Variants in TMEM9 observed in about 807,000 individuals in gnomAD.
TMEM9 encodes transmembrane protein 9.
A neutral mutation model predicts 22.8 loss-of-function variants in TMEM9; 13 were observed. The observed-to-expected ratio is 0.57, with a 90% CI of 0.37 to 0.91. TMEM9 has a LOEUF of 0.91. Among genes scored for constraint, TMEM9 ranks in the 40% least tolerant of loss-of-function variants. The pLI is 0.01. For missense variants in TMEM9, 182 were observed against 238.1 expected, an observed-to-expected ratio of 0.76 and a Z score of 1.55; for synonymous variants, 88 against 93.0, an observed-to-expected ratio of 0.95 and a Z score of 0.31.
Position 201,135,558 on chromosome 1 carries a change from A to G in TMEM9, c.*105T>C. On this transcript the variant is annotated 3_prime_UTR_variant, in exon 5 of 5. Transcript: ENST00000367330. ...GAGGAAAAATGCCACAGGCTTTTAA[A>G]GGGAAGACTGGAACCGAGGGAAGGG... 1 of 1,242,786 alleles carries G rather than the reference A, an allele frequency of 8.0e-7. No individual in the cohort carries two copies. Among genetic ancestry groups the G allele is most frequent in the Non-Finnish European group, 1.1e-6 (1 of 921,262 alleles). The allele number at this position is 1,242,786 out of a possible 1,614,324, so 77.0% of individuals were successfully genotyped here.
chr1:201,155,810 A>G (rs1271208800), upstream of TMEM9, among the ~76,000 whole-genome samples: 24 of 152,190 alleles, frequency 1.6e-4, no homozygotes, highest in Non-Finnish European at 1.2e-4. Context: ...TGGGATTAAT[A>G]TTACCAAATT....
chr1:201,139,649 C>G (rs1296158676), intron 4 of TMEM9, among the ~76,000 whole-genome samples: 1 of 152,230 alleles, frequency 6.6e-6, no homozygotes, highest in Non-Finnish European at 1.5e-5. Context: ...GATCCTCACT[C>G]AGGCCCTTGT....
chr1:201,147,687 C>T (rs145326767), intron 2 of TMEM9, among the ~76,000 whole-genome samples: 23 of 152,306 alleles, frequency 1.5e-4, no homozygotes, highest in Middle Eastern at 3.4e-3. Flanking sequence ...AGCTTAGGCC[C>T]GGTCAGTGCC....
rs1485329453 is a variant in TMEM9 at position 201,135,048 on chromosome 1, C to T, written c.*615G>A. The stretch of plus-strand genomic sequence containing the variant: ...ACCGGCAGCAGAGTATGCATGGGCA[C>T]TCCATGCCCCAGTGCGAGAAGTGCA... On this transcript the variant is annotated 3_prime_UTR_variant, in exon 5 of 5. Transcript: ENST00000367330. 2 of 152,782 alleles carry T rather than the reference C, an allele frequency of 1.3e-5. No homozygotes were observed. Among genetic ancestry groups the T allele is most frequent in the Non-Finnish European group, 2.9e-5 (2 of 68,106 alleles). 9.5% of individuals were successfully genotyped at this position (152,782 alleles called of 1,614,324 possible). A position where few individuals can be genotyped will look rare whatever the true frequency, so the allele number is the denominator to read the frequency against.
intron 3 of TMEM9, among the ~76,000 whole-genome samples, chr1:201,145,888 G>T (rs1156251562): frequency 1.3e-5 from 2 of 152,224 alleles, no homozygotes; most frequent in African/African-American, 4.8e-5. Flanking sequence ...CATGGGCCTG[G>T]GAGGTCAGAG....
intron 1 of TMEM9, among the ~76,000 whole-genome samples, chr1:201,160,852 C>G (rs1169962669): frequency 6.6e-6 from 1 of 151,248 alleles, no homozygotes; most frequent in Non-Finnish European, 1.5e-5. Context: ...AGGAGAATGG[C>G]GTGAACCCGG....
chr1:201,154,122 C>T lies in TMEM9; in HGVS notation c.-199G>A, dbSNP rs1665658673. ...CGCCAAACCCTGCTTCCCTCCCGCC[C>T]AACTCTCCGGCTCTCCGCCAGCCAC... On this transcript the variant is annotated 5_prime_UTR_variant, in exon 1 of 5. Transcript: ENST00000367330. 2 of 623,602 alleles carry T rather than the reference C, an allele frequency of 3.2e-6. No individual in the cohort carries two copies. Among genetic ancestry groups the T allele is most frequent in the South Asian group, 4.1e-5 (2 of 48,934 alleles). 38.6% of individuals were successfully genotyped at this position (623,602 alleles called of 1,614,324 possible).
Position 201,135,693 on chromosome 1 carries a change from T to C in TMEM9, c.522A>G (p.Thr174=), listed in dbSNP as rs1663925430. The change falls in exon 5 of 5, where the codon ACA becomes ACG. Residue 174 remains threonine, a synonymous_variant. Coordinates refer to ENST00000367330, the MANE Select transcript of TMEM9 (RefSeq NM_001288565.2). The part of the protein sequence containing the change: ...WKLQVQEQRK[T]VFDRHKMLS ...TGAGCATCTTGTGCCGATCGAAGAC[T>C]GTCTTCCGCTGCTCCTGCACCTGCA... 2.5e-6 allele frequency: 4 copies of C among 1,613,408 alleles called. No individual in the cohort carries two copies. The Middle Eastern group carries it at 5.0e-4, about 200-fold the overall frequency.
At chr1:201,161,407 G>T (rs1665944834) in intron 1 of TMEM9, among the ~76,000 whole-genome samples, 1 of 152,144 alleles carries the variant, frequency 6.6e-6, no homozygotes, top group South Asian at 2.1e-4. Context: ...GGTTTAGAAG[G>T]CCCTAAGTTT....
intron 2 of TMEM9, among the ~76,000 whole-genome samples, chr1:201,148,474 G>A (rs957284966): frequency 6.6e-6 from 1 of 152,240 alleles, no homozygotes; most frequent in Non-Finnish European, 1.5e-5. Context: ...TGAAGCAGGT[G>A]TCATGCTGCA....
intron 2 of TMEM9, among the ~76,000 whole-genome samples, chr1:201,150,352 A>G (rs1300666824): frequency 6.6e-6 from 1 of 152,206 alleles, no homozygotes; most frequent in Non-Finnish European, 1.5e-5. Flanking sequence ...GCCACCAGTA[A>G]GGCATGATAA....
At chr1:201,170,861 C>A (rs1416215551) in intron 1 of TMEM9, among the ~76,000 whole-genome samples, 1 of 152,232 alleles carries the variant, frequency 6.6e-6, no homozygotes, top group Non-Finnish European at 1.5e-5. Flanking sequence ...GTCACCACCC[C>A]GTCCAGTCTC....
chr1:201,143,855 A>G lies in TMEM9; in HGVS notation c.364T>C (p.Tyr122His). 1.9e-6 allele frequency: 3 copies of G among 1,614,118 alleles called. No individual in the cohort carries two copies. Among genetic ancestry groups the G allele is most frequent in the Non-Finnish European group, 2.5e-6 (3 of 1,180,016 alleles). The change falls in exon 4 of 5, where the codon TAT (tyrosine) becomes CAT (histidine). Residue 122 changes from tyrosine to histidine, a missense_variant. Tyr to His is a moderately conservative substitution (Grantham distance 83). Transcript: ENST00000367330. ...VDPLIRKPDA[Y>H]TEQLHNEEEN... ...TCCTCATTGTGCAGTTGCTCAGTAT[A>G]TGCATCCGGCTTTCGGATCAGAGGG...
chr1:201,156,654 C>T (rs773713945), upstream of TMEM9, among the ~76,000 whole-genome samples: 12 of 152,332 alleles, frequency 7.9e-5, no homozygotes, highest in Non-Finnish European at 1.3e-4. Context: ...CAAGCATTTG[C>T]CTTGCAGAAG....
chr1:201,149,152 A>G (rs1243036151), intron 2 of TMEM9, among the ~76,000 whole-genome samples: 2 of 152,230 alleles, frequency 1.3e-5, no homozygotes, highest in African/African-American at 4.8e-5. Context: ...GGGAACAGCA[A>G]TAAGGAGCTG....
rs966101463 is a variant in TMEM9, at chr1:201,134,978, G to A, written c.*685C>T. 9.8e-5 allele frequency: 15 copies of A among 152,800 alleles called. No homozygotes were observed. Among genetic ancestry groups the A allele is most frequent in the African/African-American group, 3.6e-4 (15 of 41,476 alleles). 9.5% of individuals were successfully genotyped at this position (152,800 alleles called of 1,614,324 possible). ...GTCTGGCTCAGTGACTGTGGACACT[G>A]GGGAGAGGAGGGACTGCCCAGACCC... On this transcript the variant is annotated 3_prime_UTR_variant, in exon 5 of 5. Coordinates refer to ENST00000367330, the MANE Select transcript of TMEM9 (RefSeq NM_001288565.2).
At chr1:201,151,886 A>ACCCTG in intron 1 of TMEM9, 34 bp from the exon 2 acceptor site, 1 of 1,567,306 alleles carries the variant, frequency 6.4e-7, no homozygotes, top group Non-Finnish European at 8.8e-7. Context: ...GTATGCAGAG[A>ACCCTG]CCCTGCCTGG....
At chr1:201,144,476 G>A (rs927766898) in intron 3 of TMEM9, 1 of 155,850 alleles carries the variant, frequency 6.4e-6, no homozygotes, top group African/African-American at 2.4e-5. Flanking sequence ...GCTAGGGCTG[G>A]TAAGAAGGTG....
chr1:201,147,299 G>A (rs1380522046), intron 2 of TMEM9, among the ~76,000 whole-genome samples: 2 of 151,968 alleles, frequency 1.3e-5, no homozygotes, highest in African/African-American at 2.4e-5. Flanking sequence ...CTCTACACCC[G>A]CCCCTGCACA....
Sources: gnomAD v4.1 joint callset for allele counts (sites outside exome capture counted in the v4.1 genomes callset) on GRCh38, gnomAD v4.1.1 for gene constraint, MANE v1.5 for transcripts, NCBI Gene and HGNC (gene_info 2026-07-23, HGNC 2026-07-21) for gene names.